Variants in BNC2 observed in about 807,000 individuals in gnomAD.
BNC2 encodes the protein basonuclin zinc finger protein 2.
Under a neutral mutation model 76.3 loss-of-function variants are expected in BNC2, and 20 were observed. The ratio of observed to expected loss-of-function variants is 0.26; its 90% CI spans 0.18 to 0.38. The LOEUF (loss-of-function observed/expected upper bound fraction) is 0.38. Among genes scored for constraint, BNC2 ranks in the 10% least tolerant of loss-of-function variants. The probability of loss-of-function intolerance (pLI) is 1.00; values close to 1 mark genes in which losing one functional copy is unlikely to be tolerated. For missense variants in BNC2, 1,382 were observed against 1,399.8 expected, an observed-to-expected ratio of 0.99 and a Z score of 0.20; for synonymous variants, 582 against 514.8, an observed-to-expected ratio of 1.13 and a Z score of -1.77.
intron 1 of BNC2, among the ~76,000 whole-genome samples, chr9:16,814,999 G>A (rs1457085735): frequency 6.6e-6 from 1 of 152,070 alleles, no homozygotes; most frequent in Non-Finnish European, 1.5e-5. Context: ...AATATTCAGT[G>A]TAAGGAATAA....
intron 5 of BNC2, among the ~76,000 whole-genome samples, chr9:16,469,572 C>T (rs1821775492): frequency 6.6e-6 from 1 of 152,120 alleles, no homozygotes; most frequent in South Asian, 2.1e-4. Flanking sequence ...TGAAAACAAA[C>T]TAATACAGTA....
chr9:16,649,089 C>A (rs1169500571), intron 3 of BNC2, among the ~76,000 whole-genome samples: 1 of 152,138 alleles, frequency 6.6e-6, no homozygotes, highest in Admixed American at 6.5e-5. Flanking sequence ...GCTTTGTACA[C>A]TACTGGGATA....
At chr9:16,510,821 C>G (rs941418769) in intron 5 of BNC2, among the ~76,000 whole-genome samples, 20 of 152,178 alleles carry the variant, frequency 1.3e-4, no homozygotes, top group African/African-American at 4.8e-4. Flanking sequence ...AGTGAGGGAA[C>G]TGAAAATTTA....
At chr9:16,679,805 C>T (rs925622174) in intron 3 of BNC2, among the ~76,000 whole-genome samples, 28 of 152,232 alleles carry the variant, frequency 1.8e-4, no homozygotes, top group African/African-American at 6.0e-4. Flanking sequence ...GATCTAAACT[C>T]GGAGGAACTT....
At chr9:16,545,466 G>T (rs1818452630) in intron 5 of BNC2, among the ~76,000 whole-genome samples, 1 of 152,108 alleles carries the variant, frequency 6.6e-6, no homozygotes, top group African/African-American at 2.4e-5. Flanking sequence ...GTGAACTGAG[G>T]TGAATAAAGA....
chr9:16,770,456 A>G (rs570309245), intron 1 of BNC2, among the ~76,000 whole-genome samples: 1 of 152,262 alleles, frequency 6.6e-6, no homozygotes, highest in African/African-American at 2.4e-5. Flanking sequence ...TGGCTTAAGA[A>G]CTCAATTGAC....
chr9:16,502,408 T>C (rs1246349931), intron 5 of BNC2, among the ~76,000 whole-genome samples: 2 of 152,252 alleles, frequency 1.3e-5, no homozygotes, highest in South Asian at 2.1e-4. Flanking sequence ...TTTTTTTTTT[T>C]AACACAGGCT....
chr9:16,775,283 G>A (rs1318374878), intron 1 of BNC2, among the ~76,000 whole-genome samples: 1 of 151,952 alleles, frequency 6.6e-6, no homozygotes, highest in East Asian at 1.9e-4. Context: ...AGTAAATGAA[G>A]AATGTCCCCT....
chr9:16,709,114 T>C (rs907489530), intron 3 of BNC2, among the ~76,000 whole-genome samples: 7 of 152,168 alleles, frequency 4.6e-5, no homozygotes, highest in Non-Finnish European at 1.0e-4. Flanking sequence ...CCTAGGTAGT[T>C]CTGCTGTTCT....
rs56038950 is a variant in BNC2 at position 16,665,434 on chromosome 9, A to AAAAGAAAGAAAGAAAG, written c.330+62347_330+62362dup. ...AGAAAAGAAAGGAAAGAAAGGAAAG[A>AAAAGAAAGAAAGAAAG]AAAGAAAGAAAGAAAGAAAGAAAGA... On this transcript the variant is annotated intron_variant, in intron 3 of 6. Coordinates refer to ENST00000380672, the MANE Select transcript of BNC2 (RefSeq NM_017637.6). Among the ~76,000 whole-genome samples the AAAAGAAAGAAAGAAAG allele has an allele frequency of 2.2e-3, 259 of 116,158 alleles. 4 individuals carry two copies. Among genetic ancestry groups the AAAAGAAAGAAAGAAAG allele is most frequent in the Middle Eastern group, 0.013 (3 of 226 alleles). 76.2% of individuals were successfully genotyped at this position (116,158 alleles called of 152,430 possible).
chr9:16,771,645 C>A (rs1199077216), intron 1 of BNC2, among the ~76,000 whole-genome samples: 1 of 152,210 alleles, frequency 6.6e-6, no homozygotes, highest in African/African-American at 2.4e-5. Flanking sequence ...AATGACAAGA[C>A]AAAGCCTCAC....
chr9:16,855,414 G>C (rs1308524027), intron 1 of BNC2, among the ~76,000 whole-genome samples: 1 of 152,178 alleles, frequency 6.6e-6, no homozygotes, highest in African/African-American at 2.4e-5. Context: ...TCAAACGCTT[G>C]TTAAATTGTT....
chr9:16,640,817 A>C (rs1468801409), intron 3 of BNC2, among the ~76,000 whole-genome samples: 1 of 152,166 alleles, frequency 6.6e-6, no homozygotes, highest in African/African-American at 2.4e-5. Context: ...AGCTGCAACC[A>C]AGACCTGGCT....
In BNC2 at chr9:16,851,354, A is replaced by C. The variant is rs1366653828; in HGVS notation, c.3+19292T>G. Among the ~76,000 whole-genome samples, 12 of 151,846 alleles carry C rather than the reference A, an allele frequency of 7.9e-5. 1 individual carries two copies. The highest frequency in any genetic ancestry group is 1.5e-5 in the Non-Finnish European group (1 of 67,966). On this transcript the variant is annotated intron_variant, in intron 1 of 6. Coordinates refer to ENST00000380672, the MANE Select transcript of BNC2 (RefSeq NM_017637.6). Reference sequence around the variant, plus strand: ...GAGACCTTGTCTCTACAAAAAAAAAAACTTACCCAGGCATGATGGCTCATG... The same window carrying C: ...GAGACCTTGTCTCTACAAAAAAAAACACTTACCCAGGCATGATGGCTCATG...
chr9:16,722,178 G>C (rs1269170263), intron 3 of BNC2, among the ~76,000 whole-genome samples: 1 of 152,212 alleles, frequency 6.6e-6, no homozygotes, highest in African/African-American at 2.4e-5. Flanking sequence ...TCAGCTCCCT[G>C]TGTCACAACG....
intron 5 of BNC2, among the ~76,000 whole-genome samples, chr9:16,509,024 C>T (rs1216546133): frequency 6.6e-6 from 1 of 151,904 alleles, no homozygotes; most frequent in Admixed American, 6.6e-5. Flanking sequence ...AAGACAGAGT[C>T]TTACTATGTT....
chr9:16,418,736 C>G lies in BNC2; in HGVS notation c.*253G>C. The G allele has an allele frequency of 2.0e-6, 1 of 488,916 alleles. No homozygotes were observed. The highest frequency in any genetic ancestry group is 3.7e-6 in the Non-Finnish European group (1 of 271,440). 30.3% of individuals were successfully genotyped at this position (488,916 alleles called of 1,614,324 possible). On this transcript the variant is annotated 3_prime_UTR_variant, in exon 7 of 7. Transcript: ENST00000380672. ...TGTGTTTAAAGGGGTACTCTGTTTT[C>G]ACCCTGAAATCAAAGATCCCACTCC...
intron 3 of BNC2, among the ~76,000 whole-genome samples, chr9:16,646,020 G>C (rs1426486460): frequency 6.6e-6 from 1 of 152,182 alleles, no homozygotes; most frequent in Non-Finnish European, 1.5e-5. Context: ...TTCTGAAAAG[G>C]CCTTCGTATT....
intron 6 of BNC2, among the ~76,000 whole-genome samples, chr9:16,426,026 T>C (rs1820798544): frequency 6.6e-6 from 1 of 152,226 alleles, no homozygotes; most frequent in Admixed American, 6.5e-5. Flanking sequence ...AGATGAGTGT[T>C]ACACTGTGAA....
Sources: allele counts gnomAD v4.1 joint callset (sites outside exome capture counted in the v4.1 genomes callset), GRCh38; gene constraint gnomAD v4.1.1; transcripts MANE v1.5; gene names NCBI Gene and HGNC (gene_info 2026-07-23, HGNC 2026-07-21).